Variants in NIPAL2 observed in about 807,000 individuals in gnomAD.
NIPAL2 encodes NIPA like domain containing 2, also known as NIPA-like protein 2.
NIPAL2 carries 43 observed loss-of-function variants against 48.9 expected under a neutral mutation model. That is an observed-to-expected ratio of 0.88 (90% CI 0.69 to 1.13). NIPAL2 has a LOEUF of 1.13. NIPAL2 is among the 50% of genes most tolerant of loss of function. NIPAL2 has a pLI of 0.00. For synonymous variants in NIPAL2, 167 were observed against 174.6 expected (o/e 0.96, Z 0.34); for missense variants, 446 against 461.4 (o/e 0.97, Z 0.31).
At position 98,250,420 on chromosome 8, in the gene NIPAL2, A is replaced by AG. The variant is rs1221532910; in HGVS notation, c.376+2042dup. Among the ~76,000 whole-genome samples, 4 of 152,280 alleles carry AG rather than the reference A, an allele frequency of 2.6e-5. No individual in the cohort carries two copies. The East Asian group carries it at 7.7e-4, about 29-fold the overall frequency. On this transcript the variant is annotated intron_variant, in intron 3 of 10. Coordinates refer to ENST00000430223, the MANE Select transcript of NIPAL2 (RefSeq NM_001321635.2). ...TCTCAGGGTAGCAGGGGTTTGTTCT[A>AG]GGGAAAATCCTCCATCACCAGCAGT...
chr8:98,262,560 A>G (rs1162935494), intron 1 of NIPAL2, among the ~76,000 whole-genome samples: 2 of 150,956 alleles, frequency 1.3e-5, no homozygotes, highest in Non-Finnish European at 3.0e-5. Flanking sequence ...AAAGGGATCA[A>G]TTCAACAAGA....
At chr8:98,205,504 G>C (rs1456199316) in intron 6 of NIPAL2, among the ~76,000 whole-genome samples, 1 of 151,670 alleles carries the variant, frequency 6.6e-6, no homozygotes, top group Non-Finnish European at 1.5e-5. Flanking sequence ...TGTGGAGCAA[G>C]ATGCTTCTTT....
At chr8:98,252,404 T>C in intron 3 of NIPAL2, 59 bp downstream of exon 3, 1 of 1,447,044 alleles carries the variant, frequency 6.9e-7, no homozygotes, top group East Asian at 2.5e-5. Context: ...CAGTTGTGTG[T>C]TTTTCTCCGA....
chr8:98,275,988 A>G (rs1220981086), intron 1 of NIPAL2, among the ~76,000 whole-genome samples: 1 of 152,178 alleles, frequency 6.6e-6, no homozygotes, highest in Non-Finnish European at 1.5e-5. Context: ...AGAGGAAGGT[A>G]CAGATTTCCT....
chr8:98,248,759 C>T (rs1037733924), intron 3 of NIPAL2, among the ~76,000 whole-genome samples: 98 of 152,276 alleles, frequency 6.4e-4, no homozygotes, highest in African/African-American at 2.1e-3. Flanking sequence ...AACCACACTG[C>T]TAGTAAAACT....
chr8:98,291,391 C>G (rs908148406), intron 1 of NIPAL2, among the ~76,000 whole-genome samples: 5 of 152,180 alleles, frequency 3.3e-5, no homozygotes, highest in African/African-American at 1.2e-4. Context: ...GAAACCCTGT[C>G]CATCATTAAC....
intron 2 of NIPAL2, among the ~76,000 whole-genome samples, chr8:98,253,548 T>C (rs1813708382): frequency 6.6e-6 from 1 of 152,252 alleles, no homozygotes; most frequent in African/African-American, 2.4e-5. Flanking sequence ...GTTCCTATTT[T>C]GTATTCTACA....
At chr8:98,283,242 A>G (rs1288394920) in intron 1 of NIPAL2, among the ~76,000 whole-genome samples, 2 of 152,220 alleles carry the variant, frequency 1.3e-5, no homozygotes, top group East Asian at 3.8e-4. Flanking sequence ...TTTTACTAAG[A>G]AGCCACCAGG....
At chr8:98,255,791 T>C (rs1813858077) in intron 1 of NIPAL2, among the ~76,000 whole-genome samples, 1 of 152,200 alleles carries the variant, frequency 6.6e-6, no homozygotes, top group African/African-American at 2.4e-5. Context: ...GAAAAAAATT[T>C]GGCCATGAAT....
intron 1 of NIPAL2, among the ~76,000 whole-genome samples, chr8:98,292,782 T>C (rs2130930701): frequency 6.6e-6 from 1 of 151,888 alleles, no homozygotes; most frequent in Non-Finnish European, 1.5e-5. Flanking sequence ...AAACTTATAT[T>C]GGGAATACTT....
At chr8:98,280,761 T>TATATATAGAGAGAGAGAGAGAGAGAGAG in intron 1 of NIPAL2, among the ~76,000 whole-genome samples, 5 of 30,020 alleles carry the variant, frequency 1.7e-4, no homozygotes, top group African/African-American at 3.4e-4. Context: ...TATATATATA[T>TATATATAGAGAGAGAGAGAGAGAGAGAG]AGAGAGAGAG....
chr8:98,200,416 C>T (rs1810745523), intron 8 of NIPAL2, among the ~76,000 whole-genome samples: 1 of 152,144 alleles, frequency 6.6e-6, no homozygotes, highest in African/African-American at 2.4e-5. Flanking sequence ...ATTTCACTTA[C>T]CATAATGTTC....
chr8:98,293,817 C>T (rs985533344), intron 1 of NIPAL2, among the ~76,000 whole-genome samples, 186 bp downstream of exon 1: 3 of 152,202 alleles, frequency 2.0e-5, no homozygotes, highest in African/African-American at 4.8e-5. Flanking sequence ...GGGCGGACCC[C>T]CGCGCTTCCG....
Position 98,190,313 on chromosome 8 carries a change from T to TTTTG in NIPAL2, c.*2661_*2664dup, listed in dbSNP as rs546598612. ...TATAGCTCACAGACTGGCCACTTGT[T>TTTTG]TTTGTTTGTTTGTTTGTTTGTTTGT... On this transcript the variant is annotated 3_prime_UTR_variant, in exon 11 of 11. Coordinates refer to ENST00000430223, the MANE Select transcript of NIPAL2 (RefSeq NM_001321635.2). The TTTTG allele has an allele frequency of 2.9e-4, 48 of 166,362 alleles. No homozygotes were observed. Among genetic ancestry groups the TTTTG allele is most frequent in the East Asian group, 2.6e-3 (15 of 5,676 alleles). 10.3% of individuals were successfully genotyped at this position (166,362 alleles called of 1,614,324 possible).
At chr8:98,260,536 G>A (rs992940406) in intron 1 of NIPAL2, among the ~76,000 whole-genome samples, 5 of 152,110 alleles carry the variant, frequency 3.3e-5, no homozygotes, top group Non-Finnish European at 7.4e-5. Flanking sequence ...CTGGAAAATC[G>A]GGTCACTCCA....
chr8:98,257,347 CTTT>C (rs1162654230), intron 1 of NIPAL2, among the ~76,000 whole-genome samples: 1 of 58,010 alleles, frequency 1.7e-5, no homozygotes, highest in Admixed American at 2.0e-4. Flanking sequence ...TTCTTTCTTT[CTTT>C]TTTTTTTTTT....
At position 98,191,995 on chromosome 8, in the gene NIPAL2, A is replaced by T. The variant is rs1810320616; in HGVS notation, c.*983T>A. ...ATGACTTTGGGAAGAAATGATGTGT[A>T]GTGAAACTATCACTAAGAATTTAAA... On this transcript the variant is annotated 3_prime_UTR_variant, in exon 11 of 11. Transcript: ENST00000430223. 6.6e-6 allele frequency: 1 copy of T among 152,246 alleles called. No homozygotes were observed. Among genetic ancestry groups the T allele is most frequent in the African/African-American group, 2.4e-5 (1 of 41,470 alleles). 9.4% of individuals were successfully genotyped at this position (152,246 alleles called of 1,614,324 possible).
chr8:98,229,713 A>G (rs1169871522), intron 4 of NIPAL2, among the ~76,000 whole-genome samples: 1 of 152,190 alleles, frequency 6.6e-6, no homozygotes, highest in African/African-American at 2.4e-5. Context: ...TCTTAAAATT[A>G]TTGAGTTCAT....
At chr8:98,195,350 G>C (rs1489399777) in intron 9 of NIPAL2, among the ~76,000 whole-genome samples, 1 of 152,092 alleles carries the variant, frequency 6.6e-6, no homozygotes, top group Non-Finnish European at 1.5e-5. Flanking sequence ...TCAAGGAGCA[G>C]CTAAACATTT....
Sources: gnomAD v4.1 joint callset for allele counts (sites outside exome capture counted in the v4.1 genomes callset) on GRCh38, gnomAD v4.1.1 for gene constraint, MANE v1.5 for transcripts, NCBI Gene and HGNC (gene_info 2026-07-23, HGNC 2026-07-21) for gene names.